GRIK4: variants seen among roughly 807,000 people sequenced by gnomAD.
The protein encoded by GRIK4 is glutamate ionotropic receptor kainate type subunit 4, also known as glutamate receptor ionotropic, kainate 4.
GRIK4 carries 40 observed loss-of-function variants against 104.9 expected under a neutral mutation model. The ratio of observed to expected loss-of-function variants is 0.38; its 90% CI spans 0.30 to 0.50. The LOEUF (loss-of-function observed/expected upper bound fraction) is 0.50. GRIK4 is among the 20% of genes least tolerant of loss of function. The pLI is 0.93. For missense variants in GRIK4, 1,047 were observed against 1,308.1 expected (o/e 0.80, Z 3.08); for synonymous variants, 485 against 524.9 (o/e 0.92, Z 1.04).
intron 1 of GRIK4, among the ~76,000 whole-genome samples, chr11:120,620,805 G>A (rs1235236372): frequency 6.6e-6 from 1 of 152,114 alleles, no homozygotes; most frequent in East Asian, 1.9e-4. Context: ...ACAACTATCA[G>A]ACACTACTTA....
intron 9 of GRIK4, chr11:120,872,004 C>T: frequency 9.2e-6 from 4 of 437,132 alleles, no homozygotes; most frequent in South Asian, 6.6e-5. Context: ...GGAAATAAGC[C>T]CATCCACCCT....
intron 16 of GRIK4, among the ~76,000 whole-genome samples, chr11:120,958,262 A>G (rs913524755): frequency 2.0e-5 from 3 of 152,248 alleles, no homozygotes; most frequent in Non-Finnish European, 4.4e-5. Flanking sequence ...TCCAGGACCC[A>G]GCCATCCTGC....
intron 3 of GRIK4, among the ~76,000 whole-genome samples, chr11:120,683,814 G>A (rs1376529593): frequency 6.6e-6 from 1 of 152,186 alleles, no homozygotes. Flanking sequence ...CAATGATGAG[G>A]CTAGCCATAG....
At chr11:120,738,331 G>A (rs548687362) in intron 3 of GRIK4, among the ~76,000 whole-genome samples, 203 of 152,350 alleles carry the variant, frequency 1.3e-3, no homozygotes, top group Non-Finnish European at 2.2e-3. Flanking sequence ...AGCAGAGTGG[G>A]TTCAGGTGAG....
chr11:120,815,507 T>G (rs1294500756), intron 5 of GRIK4, 32 bp downstream of exon 5: 27 of 1,296,972 alleles, frequency 2.1e-5, no homozygotes, highest in Non-Finnish European at 2.6e-5. Flanking sequence ...GGAATATCTG[T>G]GTGCTGGAGC....
At chr11:120,620,637 G>C (rs183226292) in intron 1 of GRIK4, among the ~76,000 whole-genome samples, 1 of 152,054 alleles carries the variant, frequency 6.6e-6, no homozygotes, top group Non-Finnish European at 1.5e-5. Flanking sequence ...ACCTGGCCCC[G>C]GAAAGCTTTT....
Position 120,693,954 on chromosome 11 carries a change from T to C in GRIK4, c.82+33554T>C, listed in dbSNP as rs560435471. 1.7e-3 allele frequency among the ~76,000 whole-genome samples: 263 copies of C among 152,260 alleles called. 2 individuals carry two copies. The highest frequency in any genetic ancestry group is 6.1e-3 in the African/African-American group (253 of 41,564). ...TCTGTCTTAAGACAGAAAATTGTCTTAGCACCATTTTCTGTCAGCCCAATT... is the reference window on the plus strand; with the variant it reads ...TCTGTCTTAAGACAGAAAATTGTCTCAGCACCATTTTCTGTCAGCCCAATT... On this transcript the variant is annotated intron_variant, in intron 3 of 20. Transcript: ENST00000527524.
chr11:120,874,822 A>G (rs1483044619), intron 10 of GRIK4, among the ~76,000 whole-genome samples: 1 of 152,150 alleles, frequency 6.6e-6, no homozygotes, highest in Non-Finnish European at 1.5e-5. Context: ...AATGCTGTGG[A>G]CAGCCAAGGG....
At chr11:120,750,020 A>G (rs1014918613) in intron 3 of GRIK4, among the ~76,000 whole-genome samples, 2 of 152,228 alleles carry the variant, frequency 1.3e-5, no homozygotes, top group East Asian at 3.9e-4. Context: ...CAATTTTAGC[A>G]CTGGAAGGAG....
At chr11:120,872,501 ACAAGGG>A (rs201966384) in intron 9 of GRIK4, 5,232 of 155,316 alleles carry the variant, frequency 0.034, 246 homozygotes, top group African/African-American at 0.11. Flanking sequence ...GGGTGCTCTC[ACAAGGG>A]TCTCATGTGG....
At position 120,961,688 on chromosome 11, in the gene GRIK4, C is replaced by T. The variant is rs79147387; in HGVS notation, c.2040+614C>T. Among the ~76,000 whole-genome samples, 211 of 152,326 alleles carry T rather than the reference C, an allele frequency of 1.4e-3. 1 individual carries two copies. Among genetic ancestry groups the T allele is most frequent in the Non-Finnish European group, 2.5e-3 (167 of 68,028 alleles). On this transcript the variant is annotated intron_variant, in intron 17 of 20. Coordinates refer to ENST00000527524, the MANE Select transcript of GRIK4 (RefSeq NM_014619.5). ...TTCGCTGTCAAGCAAACTGATTGAT[C>T]GCCAAGACTGACAGCCAGACCAGAT...
At chr11:120,851,957 TG>T (rs1479158877) in intron 8 of GRIK4, among the ~76,000 whole-genome samples, 1 of 152,182 alleles carries the variant, frequency 6.6e-6, no homozygotes, top group Non-Finnish European at 1.5e-5. Context: ...GCTAATGTGT[TG>T]GGACCTGGGA....
intron 3 of GRIK4, among the ~76,000 whole-genome samples, chr11:120,708,132 A>T (rs1950661267): frequency 6.6e-6 from 1 of 152,156 alleles, no homozygotes; most frequent in Non-Finnish European, 1.5e-5. Context: ...CCATCTCCAT[A>T]TGAGCCATGG....
At chr11:120,899,758 TA>T (rs1490454231) in intron 12 of GRIK4, among the ~76,000 whole-genome samples, 1 of 152,206 alleles carries the variant, frequency 6.6e-6, no homozygotes, top group African/African-American at 2.4e-5. Context: ...CCCTTTTAAC[TA>T]ATCTAAAGCA....
At chr11:120,618,000 T>G (rs192386930) in intron 1 of GRIK4, among the ~76,000 whole-genome samples, 1 of 152,298 alleles carries the variant, frequency 6.6e-6, no homozygotes, top group Non-Finnish European at 1.5e-5. Context: ...AGGCAGAGGC[T>G]GAGAGAGTAT....
rs1565460405 is a variant in GRIK4, at chr11:120,954,821, AC to A, written c.1700+1858del. ...CACACACACACACACACACACACAC[AC>A]ACACACACAAACAATACTGGAGTCT... On this transcript the variant is annotated intron_variant, in intron 15 of 20. Transcript: ENST00000527524. Among the ~76,000 whole-genome samples the A allele has an allele frequency of 7.8e-5, 5 of 63,774 alleles. No homozygotes were observed. In the East Asian group the frequency reaches 2.2e-3, roughly 28 times the overall value. 41.8% of individuals were successfully genotyped at this position (63,774 alleles called of 152,430 possible).
intron 3 of GRIK4, among the ~76,000 whole-genome samples, chr11:120,773,304 CAAAT>C (rs1225352179): frequency 6.6e-6 from 1 of 152,106 alleles, no homozygotes; most frequent in Admixed American, 6.5e-5. Context: ...GATACACAGA[CAAAT>C]AATTAAAATA....
intron 3 of GRIK4, among the ~76,000 whole-genome samples, chr11:120,773,509 G>A (rs147994892): frequency 1.8e-3 from 276 of 152,344 alleles, no homozygotes; most frequent in African/African-American, 6.4e-3. Flanking sequence ...AGTGGTAAGC[G>A]TGCGAATGGA....
chr11:120,551,358 C>T (rs754715613), intron 1 of GRIK4, among the ~76,000 whole-genome samples: 15 of 152,194 alleles, frequency 9.9e-5, no homozygotes, highest in Non-Finnish European at 1.5e-4. Flanking sequence ...GGTCATGAAA[C>T]CTTTATTCCA....
Sources: allele counts gnomAD v4.1 joint callset (sites outside exome capture counted in the v4.1 genomes callset), GRCh38; gene constraint gnomAD v4.1.1; transcripts MANE v1.5; gene names NCBI Gene and HGNC (gene_info 2026-07-23, HGNC 2026-07-21).